PARD3: variants seen among roughly 807,000 people sequenced by gnomAD.
PARD3 encodes the protein par-3 family cell polarity regulator, also known as partitioning defective 3 homolog.
A neutral mutation model predicts 155.4 loss-of-function variants in PARD3; 75 were observed. The ratio of observed to expected loss-of-function variants is 0.48; its 90% CI spans 0.40 to 0.58. The LOEUF is 0.58. Among genes scored for constraint, PARD3 ranks in the 20% least tolerant of loss-of-function variants. The pLI, the probability that PARD3 is intolerant of heterozygous loss-of-function variation, is 0.00. For missense variants in PARD3, 1,642 were observed against 1,721.7 expected (o/e 0.95, Z 0.82); for synonymous variants, 576 against 610.5 (o/e 0.94, Z 0.83).
chr10:34,726,405 G>C (rs1201410168), intron 1 of PARD3, among the ~76,000 whole-genome samples: 1 of 152,202 alleles, frequency 6.6e-6, no homozygotes, highest in African/African-American at 2.4e-5. Context: ...GGCCAACATG[G>C]TGAAACCCCA....
At chr10:34,561,068 C>T (rs1467214879) in intron 2 of PARD3, among the ~76,000 whole-genome samples, 1 of 152,092 alleles carries the variant, frequency 6.6e-6, no homozygotes, top group East Asian at 1.9e-4. Flanking sequence ...CAGTTGCTGA[C>T]ATTCTAATCT....
At chr10:34,268,532 T>C (rs1332041281) in intron 22 of PARD3, among the ~76,000 whole-genome samples, 1 of 151,324 alleles carries the variant, frequency 6.6e-6, no homozygotes, top group African/African-American at 2.4e-5. Flanking sequence ...CCAACCCAAA[T>C]GTCCATCAAT....
chr10:34,736,901 T>A (rs2094926195), intron 1 of PARD3, among the ~76,000 whole-genome samples: 1 of 152,008 alleles, frequency 6.6e-6, no homozygotes, highest in Non-Finnish European at 1.5e-5. Flanking sequence ...GGTCTTGAAC[T>A]CCTGACCTCA....
intron 22 of PARD3, among the ~76,000 whole-genome samples, chr10:34,189,481 G>A (rs939177315): frequency 6.6e-6 from 1 of 152,222 alleles, no homozygotes; most frequent in African/African-American, 2.4e-5. Context: ...GTCACCAAAC[G>A]ATACTAGTGG....
chr10:34,699,725 A>C (rs930168342), intron 1 of PARD3, among the ~76,000 whole-genome samples: 4 of 152,172 alleles, frequency 2.6e-5, no homozygotes, highest in African/African-American at 9.7e-5. Flanking sequence ...AGAACTTTAG[A>C]AGGCCAAGGC....
At chr10:34,214,354 T>C (rs929573361) in intron 22 of PARD3, among the ~76,000 whole-genome samples, 3 of 152,204 alleles carry the variant, frequency 2.0e-5, no homozygotes, top group African/African-American at 7.2e-5. Context: ...ATGTGATTCT[T>C]ATCAAAAAAT....
chr10:34,327,854 C>A (rs1835197871), intron 19 of PARD3, among the ~76,000 whole-genome samples: 1 of 152,164 alleles, frequency 6.6e-6, no homozygotes, highest in African/African-American at 2.4e-5. Flanking sequence ...GAACCCACTT[C>A]CCCTGAGGCC....
chr10:34,288,510 T>C lies in PARD3; in HGVS notation c.3066-4265A>G, dbSNP rs141445564. 3.9e-5 allele frequency among the ~76,000 whole-genome samples: 6 copies of C among 152,254 alleles called. No homozygotes were observed. In the East Asian group the frequency reaches 1.2e-3, roughly 29 times the overall value. On this transcript the variant is annotated intron_variant, in intron 20 of 24. Coordinates refer to ENST00000374788, the MANE Select transcript of PARD3 (RefSeq NM_001184785.2). ...TACCCATATTCACCCTAATAGCCAATATTACTGTACTTCCTAATTTATAGT... is the reference window on the plus strand; with the variant it reads ...TACCCATATTCACCCTAATAGCCAACATTACTGTACTTCCTAATTTATAGT...
intron 22 of PARD3, among the ~76,000 whole-genome samples, chr10:34,140,152 A>G (rs1257606794): frequency 1.3e-5 from 2 of 152,060 alleles, no homozygotes; most frequent in Non-Finnish European, 2.9e-5. Flanking sequence ...CTGGCTCTCA[A>G]ATCAGGAGCA....
intron 22 of PARD3, among the ~76,000 whole-genome samples, chr10:34,167,106 C>T (rs1765167): frequency 0.24 from 36,123 of 152,062 alleles, 4,454 homozygotes; most frequent in Middle Eastern, 0.36. Flanking sequence ...CTAAATCTGC[C>T]GCTTACGGGC....
At chr10:34,176,595 G>A (rs1950042290) in intron 22 of PARD3, among the ~76,000 whole-genome samples, 1 of 152,130 alleles carries the variant, frequency 6.6e-6, no homozygotes, top group Admixed American at 6.6e-5. Flanking sequence ...CCTGCCACCT[G>A]TACCGTTCCC....
At chr10:34,528,288 C>T (rs553999508) in intron 2 of PARD3, among the ~76,000 whole-genome samples, 8 of 152,272 alleles carry the variant, frequency 5.3e-5, no homozygotes, top group African/African-American at 1.9e-4. Flanking sequence ...AAAATCTATT[C>T]TAAGGAAAGC....
intron 2 of PARD3, among the ~76,000 whole-genome samples, chr10:34,662,958 CT>C (rs772506127): frequency 1.2e-4 from 18 of 151,822 alleles, no homozygotes; most frequent in Admixed American, 5.2e-4. Context: ...CATGTTCTCA[CT>C]CATTTGTGGG....
intron 14 of PARD3, among the ~76,000 whole-genome samples, chr10:34,350,952 T>A (rs1364431405): frequency 6.6e-6 from 1 of 152,196 alleles, no homozygotes; most frequent in Non-Finnish European, 1.5e-5. Flanking sequence ...AAAAATCTTA[T>A]TTTTAACTCT....
intron 22 of PARD3, among the ~76,000 whole-genome samples, chr10:34,262,255 G>GT (rs745831225): frequency 9.2e-4 from 135 of 146,888 alleles, no homozygotes; most frequent in Middle Eastern, 3.4e-3. Context: ...GCCTATTACG[G>GT]TTTTTTTTTT....
chr10:34,797,880 G>A (rs1462724020), intron 1 of PARD3, among the ~76,000 whole-genome samples: 2 of 152,176 alleles, frequency 1.3e-5, no homozygotes, highest in Non-Finnish European at 2.9e-5. Context: ...CCTTGCACAT[G>A]TGTTGTCTCT....
intron 22 of PARD3, among the ~76,000 whole-genome samples, chr10:34,139,419 C>A (rs1284542515): frequency 6.6e-6 from 1 of 152,126 alleles, no homozygotes; most frequent in Non-Finnish European, 1.5e-5. Flanking sequence ...ACCCACTTTC[C>A]AAGAACATTG....
chr10:34,328,621 T>C (rs1434181685), intron 19 of PARD3, among the ~76,000 whole-genome samples: 4 of 152,204 alleles, frequency 2.6e-5, no homozygotes, highest in East Asian at 3.8e-4. Flanking sequence ...GTACTGCTCC[T>C]GACCAGAGAT....
At chr10:34,144,995 G>T (rs1179128470) in intron 22 of PARD3, among the ~76,000 whole-genome samples, 1 of 151,744 alleles carries the variant, frequency 6.6e-6, no homozygotes, top group Non-Finnish European at 1.5e-5. Context: ...AAAATATTTT[G>T]CGTTTGCATG....
Sources: allele counts gnomAD v4.1 joint callset (sites outside exome capture counted in the v4.1 genomes callset), GRCh38; gene constraint gnomAD v4.1.1; transcripts MANE v1.5; gene names NCBI Gene and HGNC (gene_info 2026-07-23, HGNC 2026-07-21).